The following INTS3 variants were observed in gnomAD, a reference collection of about 807,000 sequenced individuals.
The protein encoded by INTS3 is integrator complex subunit 3.
In INTS3, 34 loss-of-function variants were observed where a neutral mutation model predicts 146.3. That is an observed-to-expected ratio of 0.23 (90% CI 0.18 to 0.31). The LOEUF (loss-of-function observed/expected upper bound fraction) is 0.31. Among genes scored for constraint, INTS3 ranks in the 10% least tolerant of loss-of-function variants. The probability of loss-of-function intolerance (pLI) is 1.00; values close to 1 mark genes in which losing one functional copy is unlikely to be tolerated. For missense variants in INTS3, 757 were observed against 1,304.2 expected, an observed-to-expected ratio of 0.58 and a Z score of 6.46; for synonymous variants, 475 against 494.9, an observed-to-expected ratio of 0.96 and a Z score of 0.53.
At chr1:153,748,601 G>C in intron 5 of INTS3, 88 bp from the exon 6 acceptor site, 1 of 1,042,206 alleles carries the variant, frequency 9.6e-7, no homozygotes, top group Non-Finnish European at 1.5e-6. Flanking sequence ...ATGGCAGTCA[G>C]GGTGGACCAG....
chr1:153,770,556 A>G (rs983471939), intron 24 of INTS3, 129 bp from the exon 25 acceptor site: 1 of 801,976 alleles, frequency 1.2e-6, no homozygotes, highest in South Asian at 1.5e-5. Context: ...GGGGTAGGGG[A>G]TTCTTCCTGG....
intron 1 of INTS3, among the ~76,000 whole-genome samples, chr1:153,729,374 C>T (rs1460184594): frequency 1.3e-5 from 2 of 152,096 alleles, no homozygotes; most frequent in African/African-American, 2.4e-5. Context: ...TCCTTCAGAA[C>T]CAGATAGCAC....
intron 3 of INTS3, among the ~76,000 whole-genome samples, chr1:153,746,033 A>G (rs1324799141): frequency 6.6e-6 from 1 of 152,192 alleles, no homozygotes; most frequent in Non-Finnish European, 1.5e-5. Flanking sequence ...TGATCATGCC[A>G]CTGCACTCCA....
chr1:153,731,579 C>CTTTTTT (rs71093282), intron 1 of INTS3, among the ~76,000 whole-genome samples: 3 of 129,828 alleles, frequency 2.3e-5, no homozygotes, highest in Non-Finnish European at 4.7e-5. Context: ...AGAGCGTCCT[C>CTTTTTT]TTTTTTTTTT....
At chr1:153,731,836 C>T (rs554313820) in intron 1 of INTS3, among the ~76,000 whole-genome samples, 6 of 150,522 alleles carry the variant, frequency 4.0e-5, no homozygotes, top group African/African-American at 9.8e-5. Context: ...CCGCCCACCT[C>T]GGCCTCCCAA....
chr1:153,770,736 G>A lies in INTS3; in HGVS notation c.2552+3G>A, dbSNP rs1194685168. 75 of 1,612,272 alleles carry A rather than the reference G, an allele frequency of 4.7e-5. No individual in the cohort carries two copies. The highest frequency in any genetic ancestry group is 6.3e-5 in the Non-Finnish European group (74 of 1,178,494). On this transcript the variant is annotated splice_donor_region_variant and intron_variant, in intron 25 of 29. Transcript: ENST00000318967. ...CTGCTTCAACTCCGAAGAGAAAAGT[G>A]AGTTCCACTTCTGGGGCTCTTTAGC...
Position 153,728,627 on chromosome 1 carries a change from C to G in INTS3, c.-8C>G, listed in dbSNP as rs748640669. ...TCCCTGACCTTTTCCCGGCTCCTGGCTGCAGCCATGGAGTTGCAGAAGGGA... is the reference window on the plus strand; with the variant it reads ...TCCCTGACCTTTTCCCGGCTCCTGGGTGCAGCCATGGAGTTGCAGAAGGGA... On this transcript the variant is annotated 5_prime_UTR_variant, in exon 1 of 30. Coordinates refer to ENST00000318967, the MANE Select transcript of INTS3 (RefSeq NM_023015.5). The G allele has an allele frequency of 1.3e-6, 2 of 1,597,812 alleles. No individual in the cohort carries two copies. The highest frequency in any genetic ancestry group is 1.8e-5 in the Admixed American group (1 of 55,624).
At chr1:153,735,982 T>A (rs1392588087) in intron 1 of INTS3, among the ~76,000 whole-genome samples, 1 of 152,176 alleles carries the variant, frequency 6.6e-6, no homozygotes, top group African/African-American at 2.4e-5. Context: ...TCTACCTGCC[T>A]CGACCTCCCA....
intron 14 of INTS3, among the ~76,000 whole-genome samples, chr1:153,762,300 A>G (rs1157105707): frequency 2.0e-5 from 3 of 152,302 alleles, no homozygotes; most frequent in African/African-American, 7.2e-5. Flanking sequence ...ATACAAAAAA[A>G]TTTGTATTTG....
intron 5 of INTS3, 152 bp from the exon 6 acceptor site, chr1:153,748,537 C>A: frequency 2.8e-6 from 2 of 721,290 alleles, no homozygotes; most frequent in Non-Finnish European, 5.1e-6. Flanking sequence ...AACTTTAAAG[C>A]CTGACAGAAC....
chr1:153,747,153 A>T, intron 4 of INTS3, 83 bp downstream of exon 4: 1 of 1,284,046 alleles, frequency 7.8e-7, no homozygotes, highest in Non-Finnish European at 1.1e-6. Flanking sequence ...AAGAGGAATC[A>T]GGGCTAACAC....
intron 1 of INTS3, among the ~76,000 whole-genome samples, chr1:153,731,109 G>C (rs1192133070): frequency 6.6e-6 from 1 of 152,114 alleles, no homozygotes; most frequent in African/African-American, 2.4e-5. Context: ...AAACAGGTTG[G>C]AGGACATCCA....
At position 153,768,951 on chromosome 1, in the gene INTS3, A is replaced by T; in HGVS notation, c.2303A>T (p.Asp768Val). 1 of 1,613,496 alleles carries T rather than the reference A, an allele frequency of 6.2e-7. No homozygotes were observed. Residue 768 changes from aspartate (D) to valine (V), a missense_variant, in exon 22 of 30, where the codon GAC (aspartate) becomes GTC (valine). Transcript: ENST00000318967. ...CTGAACATGATCGTGGCTGTTATTG[A>T]CTCTGCACAGGTGAACATTGAGCTC... ...ELLNMIVAVI[D>V]SAQLQELVCH...
chr1:153,744,995 C>A (rs1160709533), intron 3 of INTS3, among the ~76,000 whole-genome samples: 1 of 152,042 alleles, frequency 6.6e-6, no homozygotes, highest in Non-Finnish European at 1.5e-5. Context: ...TTAAGCTCTC[C>A]ATGCCTATTT....
chr1:153,761,763 C>A, intron 14 of INTS3, 87 bp downstream of exon 14: 1 of 774,840 alleles, frequency 1.3e-6, no homozygotes, highest in East Asian at 2.6e-5. Context: ...CAGGATGTCC[C>A]ACACAGTTCT....
rs11438435 is a variant in INTS3, at chr1:153,745,161, C to CTT, written c.319-1782_319-1781dup. ...ATAGTATAACAACATCCTTGCTGTACTTTTTTTTTTTTTTTGAGACAGGGT... is the reference window on the plus strand; with the variant it reads ...ATAGTATAACAACATCCTTGCTGTACTTTTTTTTTTTTTTTTTGAGACAGGGT... On this transcript the variant is annotated intron_variant, in intron 3 of 29. Transcript: ENST00000318967. 2.4e-3 allele frequency among the ~76,000 whole-genome samples: 327 copies of CTT among 138,812 alleles called. 2 individuals are homozygous for CTT. The highest frequency in any genetic ancestry group is 0.011 in the Middle Eastern group (3 of 264). 91.1% of individuals were successfully genotyped at this position (138,812 alleles called of 152,430 possible). A position where few individuals can be genotyped will look rare whatever the true frequency, so the allele number is the denominator to read the frequency against.
chr1:153,740,050 C>T (rs1351127528), intron 1 of INTS3, among the ~76,000 whole-genome samples: 2 of 151,546 alleles, frequency 1.3e-5, no homozygotes, highest in Admixed American at 6.6e-5. Context: ...CCACCTGCCT[C>T]GGCCTCCCAA....
intron 24 of INTS3, among the ~76,000 whole-genome samples, 173 bp from the exon 25 acceptor site, chr1:153,770,512 C>T (rs895393938): frequency 6.6e-6 from 1 of 152,174 alleles, no homozygotes; most frequent in African/African-American, 2.4e-5. Context: ...AGGCTCTGGG[C>T]TGGGGCTCAG....
intron 3 of INTS3, among the ~76,000 whole-genome samples, chr1:153,742,763 C>T (rs926650058): frequency 6.6e-6 from 1 of 152,196 alleles, no homozygotes; most frequent in African/African-American, 2.4e-5. Context: ...ATGAATTTGG[C>T]CATCCAGACA....
Sources: allele counts gnomAD v4.1 joint callset (sites outside exome capture counted in the v4.1 genomes callset), GRCh38; gene constraint gnomAD v4.1.1; transcripts MANE v1.5; gene names NCBI Gene and HGNC (gene_info 2026-07-23, HGNC 2026-07-21).